Variants in MLLT3 observed in about 807,000 individuals in gnomAD.
MLLT3 encodes the protein MLLT3 super elongation complex subunit.
A neutral mutation model predicts 53.2 loss-of-function variants in MLLT3; 4 were observed. That is an observed-to-expected ratio of 0.08 (90% CI 0.04 to 0.17). The LOEUF is 0.17. Ranked by LOEUF, MLLT3 falls within the 10% of genes least tolerant of loss-of-function variation. The pLI is 1.00. For synonymous variants in MLLT3, 283 were observed against 230.6 expected, an observed-to-expected ratio of 1.23 and a Z score of -2.06; for missense variants, 569 against 684.0, an observed-to-expected ratio of 0.83 and a Z score of 1.87.
intron 2 of MLLT3, among the ~76,000 whole-genome samples, chr9:20,536,242 C>A (rs1050087641): frequency 6.6e-6 from 1 of 152,054 alleles, no homozygotes; most frequent in Non-Finnish European, 1.5e-5. Flanking sequence ...GATAGCAAAA[C>A]AGAAAGAAGA....
At chr9:20,549,310 C>T (rs1355696398) in intron 2 of MLLT3, among the ~76,000 whole-genome samples, 1 of 152,130 alleles carries the variant, frequency 6.6e-6, no homozygotes, top group African/African-American at 2.4e-5. Context: ...TGACATCAGG[C>T]TTTGCTTTCT....
intron 4 of MLLT3, among the ~76,000 whole-genome samples, chr9:20,424,583 G>A (rs1299521429): frequency 1.3e-5 from 2 of 152,170 alleles, no homozygotes; most frequent in Non-Finnish European, 2.9e-5. Flanking sequence ...TAGGAAGAGA[G>A]AGAATTTGAA....
intron 2 of MLLT3, among the ~76,000 whole-genome samples, chr9:20,540,499 C>G (rs1223628568): frequency 6.6e-6 from 1 of 152,258 alleles, no homozygotes; most frequent in Non-Finnish European, 1.5e-5. Context: ...GTCACCATGG[C>G]TTGGGGCTTG....
chr9:20,498,654 G>C (rs1029069976), intron 2 of MLLT3, among the ~76,000 whole-genome samples: 7 of 151,926 alleles, frequency 4.6e-5, no homozygotes, highest in Admixed American at 1.3e-4. Context: ...ATTTTTTTTA[G>C]CTCATCAGCT....
At chr9:20,417,568 T>C (rs1249472350) in intron 4 of MLLT3, among the ~76,000 whole-genome samples, 1 of 151,932 alleles carries the variant, frequency 6.6e-6, no homozygotes, top group Non-Finnish European at 1.5e-5. Context: ...TAGGACAAAC[T>C]GAATATCAAG....
intron 2 of MLLT3, among the ~76,000 whole-genome samples, chr9:20,603,078 C>T (rs1370541171): frequency 1.3e-5 from 2 of 152,022 alleles, no homozygotes; most frequent in African/African-American, 4.8e-5. Flanking sequence ...AAATCTGCCT[C>T]TAATTTCTCC....
chr9:20,589,736 A>AGTCTCG (rs1278553837), intron 2 of MLLT3, among the ~76,000 whole-genome samples: 2 of 138,518 alleles, frequency 1.4e-5, no homozygotes, highest in Non-Finnish European at 3.1e-5. Context: ...TTTGAGGTGG[A>AGTCTCG]GTCTCGCTCT....
chr9:20,530,923 G>A (rs1202538583), intron 2 of MLLT3, among the ~76,000 whole-genome samples: 2 of 151,024 alleles, frequency 1.3e-5, no homozygotes, highest in African/African-American at 4.9e-5. Flanking sequence ...GAGCCATCGT[G>A]CCTGGCGCTG....
chr9:20,528,965 G>T lies in MLLT3; in HGVS notation c.194-72179C>A, dbSNP rs1405864195. 2.0e-5 allele frequency among the ~76,000 whole-genome samples: 3 copies of T among 152,112 alleles called. No homozygotes were observed. In the East Asian group the frequency reaches 5.8e-4, roughly 29 times the overall value. Reference sequence around the variant, plus strand: ...TAGGGAATTTTAATGTGTACTGTATGAAAGTTCAGAGTACACTGAAGGCCA... The same window carrying T: ...TAGGGAATTTTAATGTGTACTGTATTAAAGTTCAGAGTACACTGAAGGCCA... On this transcript the variant is annotated intron_variant, in intron 2 of 10. Coordinates refer to ENST00000380338, the MANE Select transcript of MLLT3 (RefSeq NM_004529.4).
intron 2 of MLLT3, among the ~76,000 whole-genome samples, chr9:20,517,002 G>A (rs1193345985): frequency 1.3e-5 from 2 of 152,116 alleles, no homozygotes; most frequent in Non-Finnish European, 2.9e-5. Flanking sequence ...TTAGCTATAG[G>A]AAATAATATA....
At chr9:20,547,710 G>A (rs1240666071) in intron 2 of MLLT3, among the ~76,000 whole-genome samples, 4 of 150,922 alleles carry the variant, frequency 2.7e-5, no homozygotes, top group East Asian at 3.9e-4. Flanking sequence ...CAGCACTTTC[G>A]GAGGTGGAAG....
At chr9:20,584,697 G>A (rs1563830234) in intron 2 of MLLT3, among the ~76,000 whole-genome samples, 1 of 152,108 alleles carries the variant, frequency 6.6e-6, no homozygotes, top group African/African-American at 2.4e-5. Context: ...AGAAAGACCA[G>A]GCCCCAAGAT....
chr9:20,390,073 G>GGAAGT (rs1462408741), intron 5 of MLLT3, among the ~76,000 whole-genome samples: 1 of 152,128 alleles, frequency 6.6e-6, no homozygotes, highest in Non-Finnish European at 1.5e-5. Flanking sequence ...AGCAACCAAG[G>GGAAGT]GAAGTTAATG....
At chr9:20,415,206 C>T (rs1489515591) in intron 4 of MLLT3, among the ~76,000 whole-genome samples, 1 of 152,130 alleles carries the variant, frequency 6.6e-6, no homozygotes, top group Non-Finnish European at 1.5e-5. Flanking sequence ...AACTGTATCT[C>T]TCACCCACTA....
At chr9:20,558,554 A>G (rs180928746) in intron 2 of MLLT3, among the ~76,000 whole-genome samples, 2 of 152,294 alleles carry the variant, frequency 1.3e-5, no homozygotes, top group East Asian at 3.9e-4. Flanking sequence ...CAAGTTGAAG[A>G]ATAGGCTCTT....
In MLLT3 at chr9:20,622,447, C is replaced by G. The variant is rs566931175; in HGVS notation, c.-191G>C. On this transcript the variant is annotated 5_prime_UTR_variant, in exon 1 of 11. Coordinates refer to ENST00000380338, the MANE Select transcript of MLLT3 (RefSeq NM_004529.4). Reference sequence around the variant, plus strand: ...GCTCGCTCGCTTATTAAACTCAGCCCCAAAAGCAAAAGCAGCAGCAGCAGC... The same window carrying G: ...GCTCGCTCGCTTATTAAACTCAGCCGCAAAAGCAAAAGCAGCAGCAGCAGC... The G allele has an allele frequency of 1.6e-4, 90 of 548,072 alleles. No homozygotes were observed. Among genetic ancestry groups the G allele is most frequent in the Non-Finnish European group, 2.5e-4 (78 of 309,540 alleles). The allele number at this position is 548,072 out of a possible 1,614,324, so 34.0% of individuals were successfully genotyped here.
At chr9:20,405,869 T>C (rs772338448) in intron 5 of MLLT3, among the ~76,000 whole-genome samples, 1 of 152,152 alleles carries the variant, frequency 6.6e-6, no homozygotes, top group Non-Finnish European at 1.5e-5. Context: ...CCCAGCACGT[T>C]GGGAGGCCAA....
At chr9:20,479,606 C>T (rs1824613385) in intron 2 of MLLT3, among the ~76,000 whole-genome samples, 1 of 152,168 alleles carries the variant, frequency 6.6e-6, no homozygotes, top group African/African-American at 2.4e-5. Flanking sequence ...CCACTAATTT[C>T]CTGGCCTGAG....
At chr9:20,576,203 G>A (rs1224619560) in intron 2 of MLLT3, among the ~76,000 whole-genome samples, 1 of 152,202 alleles carries the variant, frequency 6.6e-6, no homozygotes, top group East Asian at 1.9e-4. Context: ...CAGAGTTGAA[G>A]ACAGTTAAGG....
Sources: gnomAD v4.1 joint callset for allele counts (sites outside exome capture counted in the v4.1 genomes callset) on GRCh38, gnomAD v4.1.1 for gene constraint, MANE v1.5 for transcripts, NCBI Gene and HGNC (gene_info 2026-07-23, HGNC 2026-07-21) for gene names.